The following COPS7B variants were observed in gnomAD, a reference collection of about 807,000 sequenced individuals.
COPS7B encodes COP9 signalosome subunit 7B, also known as COP9 signalosome complex subunit 7b.
In COPS7B, 9 loss-of-function variants were observed where a neutral mutation model predicts 33.4. The ratio of observed to expected loss-of-function variants is 0.27; its 90% CI spans 0.16 to 0.47. The LOEUF (loss-of-function observed/expected upper bound fraction) is 0.47. COPS7B is among the 20% of genes least tolerant of loss of function. The pLI, the probability that COPS7B is intolerant of heterozygous loss-of-function variation, is 0.99. For synonymous variants in COPS7B, 119 were observed against 126.3 expected, an observed-to-expected ratio of 0.94 and a Z score of 0.39; for missense variants, 242 against 318.2, an observed-to-expected ratio of 0.76 and a Z score of 1.82.
chr2:231,789,143 A>T (rs1296390497), intron 2 of COPS7B: 2 of 174,724 alleles, frequency 1.1e-5, no homozygotes, highest in African/African-American at 2.4e-5. Flanking sequence ...TAAGATGGAC[A>T]TGAATAGGAG....
At chr2:231,783,064 G>C (rs1190739267), upstream of COPS7B, among the ~76,000 whole-genome samples, 2 of 152,184 alleles carry the variant, frequency 1.3e-5, no homozygotes, top group African/African-American at 4.8e-5. Context: ...AGTATGTACA[G>C]TATGTGTCTG....
At chr2:231,795,998 C>T (rs1424267237) in intron 4 of COPS7B, 108 bp from the exon 5 acceptor site, 2 of 806,450 alleles carry the variant, frequency 2.5e-6, no homozygotes, top group African/African-American at 1.7e-5. Context: ...TACCACTAGC[C>T]TGCGTTTCCC....
At chr2:231,798,406 G>A (rs939809945) in intron 5 of COPS7B, among the ~76,000 whole-genome samples, 21 of 151,744 alleles carry the variant, frequency 1.4e-4, no homozygotes, top group African/African-American at 4.8e-4. Context: ...ACAGGCACCC[G>A]CCACCACACC....
At chr2:231,792,884 T>A (rs972598153) in intron 3 of COPS7B, among the ~76,000 whole-genome samples, 26 of 152,156 alleles carry the variant, frequency 1.7e-4, no homozygotes, top group African/African-American at 6.0e-4. Context: ...ATCCCTGACT[T>A]CTTCTTTCTC....
At chr2:231,788,507 T>G in intron 1 of COPS7B, 48 bp from the exon 2 acceptor site, 1 of 1,574,964 alleles carries the variant, frequency 6.3e-7, no homozygotes, top group Non-Finnish European at 8.7e-7. Flanking sequence ...AGGCACAGAC[T>G]TTGCAAAGGA....
rs577863905 is a variant in COPS7B, at chr2:231,788,826, G to C, written c.162+94G>C. ...TTCAGTGCTGAAGTATTGTGAACCT[G>C]TGAGGTACCCTATTGTGAGACAGAT... On this transcript the variant is annotated intron_variant, in intron 2 of 6. Transcript: ENST00000350033. The C allele has an allele frequency of 1.1e-3, 1,271 of 1,194,586 alleles. 1 individual carries two copies. Among genetic ancestry groups the C allele is most frequent in the Non-Finnish European group, 1.3e-3 (1,070 of 834,630 alleles). The allele number at this position is 1,194,586 out of a possible 1,614,324, so 74.0% of individuals were successfully genotyped here.
chr2:231,793,055 T>A (rs1227855054), intron 3 of COPS7B, among the ~76,000 whole-genome samples: 1 of 152,206 alleles, frequency 6.6e-6, no homozygotes. Flanking sequence ...GTTAGCAGAC[T>A]GCCTGTAGCC....
chr2:231,809,228 A>G lies in COPS7B; in HGVS notation c.*1583A>G, dbSNP rs2049982254. The G allele has an allele frequency of 6.6e-6, 1 of 152,580 alleles. No individual in the cohort carries two copies. The highest frequency in any genetic ancestry group is 2.4e-5 in the African/African-American group (1 of 41,452). 9.5% of individuals were successfully genotyped at this position (152,580 alleles called of 1,614,324 possible). A position where few individuals can be genotyped will look rare whatever the true frequency, so the allele number is the denominator to read the frequency against. ...TGTGGAAAAGGGGTTCTGTTATGAA[A>G]TAAATGTTGCACTCCCTGCATCCCA... On this transcript the variant is annotated 3_prime_UTR_variant, in exon 7 of 7. Coordinates refer to ENST00000350033, the MANE Select transcript of COPS7B (RefSeq NM_022730.4).
intron 5 of COPS7B, among the ~76,000 whole-genome samples, chr2:231,797,808 A>G (rs2049617608): frequency 6.6e-6 from 1 of 152,170 alleles, no homozygotes. Flanking sequence ...AAATAGGAGG[A>G]GGGGTATGGC....
At position 231,796,376 on chromosome 2, in the gene COPS7B, C is replaced by T; in HGVS notation, c.530+68C>T. 4 of 1,464,642 alleles carry T rather than the reference C, an allele frequency of 2.7e-6. No homozygotes were observed. The South Asian group carries it at 3.6e-5, about 13-fold the overall frequency. 90.7% of individuals were successfully genotyped at this position (1,464,642 alleles called of 1,614,324 possible). A position where few individuals can be genotyped will look rare whatever the true frequency, so the allele number is the denominator to read the frequency against. ...TGCCTCTCCTTGCAAAAATGTGATTCCCTGGTGTCAGCTGAGGGTTTGGGG... is the reference window on the plus strand; with the variant it reads ...TGCCTCTCCTTGCAAAAATGTGATTTCCTGGTGTCAGCTGAGGGTTTGGGG... On this transcript the variant is annotated intron_variant, in intron 5 of 6. Coordinates refer to ENST00000350033, the MANE Select transcript of COPS7B (RefSeq NM_022730.4).
Position 231,798,843 on chromosome 2 carries a change from G to T in COPS7B, c.531-16G>T. Reference sequence around the variant, plus strand: ...CAGGCCATTCTGCAGCTCAGGGCTGGTTTTCTCCATTGTAGGTGTGATGGC... The same window carrying T: ...CAGGCCATTCTGCAGCTCAGGGCTGTTTTTCTCCATTGTAGGTGTGATGGC... On this transcript the variant is annotated splice_polypyrimidine_tract_variant and intron_variant, in intron 5 of 6. Transcript: ENST00000350033. The T allele has an allele frequency of 3.1e-6, 5 of 1,611,830 alleles. No individual in the cohort carries two copies. The highest frequency in any genetic ancestry group is 4.2e-6 in the Non-Finnish European group (5 of 1,178,034).
chr2:231,801,758 A>C lies in COPS7B; in HGVS notation c.636+2794A>C, dbSNP rs111898896. Among the ~76,000 whole-genome samples the C allele has an allele frequency of 6.0e-3, 906 of 150,712 alleles. 1 individual carries two copies. The highest frequency in any genetic ancestry group is 9.3e-3 in the Non-Finnish European group (631 of 67,766). On this transcript the variant is annotated intron_variant, in intron 6 of 6. Coordinates refer to ENST00000350033, the MANE Select transcript of COPS7B (RefSeq NM_022730.4). ...GTTGGGATTACAGGCGTGAGCCACC[A>C]TGCCCAACCTACTTTTCTTTTTTTC...
chr2:231,786,194 T>C (rs1465890547), upstream of COPS7B: 2 of 152,866 alleles, frequency 1.3e-5, no homozygotes, highest in Non-Finnish European at 2.9e-5. Flanking sequence ...GGGCCCGGGA[T>C]GGCGATGGCG....
chr2:231,794,173 T>G, intron 3 of COPS7B, 90 bp from the exon 4 acceptor site: 2 of 914,500 alleles, frequency 2.2e-6, no homozygotes, highest in Non-Finnish European at 3.5e-6. Context: ...CAGTAGTAGA[T>G]TTGGTTTGGG....
intron 6 of COPS7B, chr2:231,801,128 T>C (rs1264669232): frequency 6.4e-7 from 1 of 1,550,464 alleles, no homozygotes; most frequent in South Asian, 1.2e-5. Context: ...TCTTTATTTG[T>C]CCTTAAATTA....
At chr2:231,794,422 A>T (rs2049505307) in intron 4 of COPS7B, 71 bp downstream of exon 4, 1 of 1,235,626 alleles carries the variant, frequency 8.1e-7, no homozygotes, top group African/African-American at 1.5e-5. Context: ...TCAATGAAGG[A>T]AGTCCCAGCT....
intron 5 of COPS7B, among the ~76,000 whole-genome samples, chr2:231,796,746 C>A (rs1465862928): frequency 6.6e-6 from 1 of 152,066 alleles, no homozygotes; most frequent in Non-Finnish European, 1.5e-5. Flanking sequence ...TTATAAGATT[C>A]TTCGGATAAA....
intron 5 of COPS7B, among the ~76,000 whole-genome samples, chr2:231,796,653 T>C (rs2049580055): frequency 6.6e-6 from 1 of 152,230 alleles, no homozygotes; most frequent in South Asian, 2.1e-4. Context: ...GCTCAAAGTT[T>C]GACCAAACTC....
chr2:231,797,113 C>T (rs768088308), intron 5 of COPS7B, among the ~76,000 whole-genome samples: 2 of 152,180 alleles, frequency 1.3e-5, no homozygotes, highest in Non-Finnish European at 2.9e-5. Flanking sequence ...CCCAGGCAGG[C>T]ACGTGGCATG....
Sources: allele counts gnomAD v4.1 joint callset (sites outside exome capture counted in the v4.1 genomes callset), GRCh38; gene constraint gnomAD v4.1.1; transcripts MANE v1.5; gene names NCBI Gene and HGNC (gene_info 2026-07-23, HGNC 2026-07-21).